The following PHF8 variants were observed in gnomAD, a reference collection of about 807,000 sequenced individuals.
PHF8 encodes the protein PHD finger protein 8.
Under a neutral mutation model 74.4 loss-of-function variants are expected in PHF8, and 9 were observed. The observed-to-expected ratio is 0.12, with a 90% CI of 0.07 to 0.21. The LOEUF (loss-of-function observed/expected upper bound fraction) is 0.21, where lower values mean the gene tolerates loss of function less well. PHF8 is among the 10% of genes least tolerant of loss of function. The pLI is 1.00. For missense variants in PHF8, 478 were observed against 816.6 expected (o/e 0.59, Z 5.05); for synonymous variants, 311 against 316.6 (o/e 0.98, Z 0.19).
chrX:54,030,830 TG>T (rs1557112394), intron 2 of PHF8, among the ~76,000 whole-genome samples: 2 of 112,312 alleles, frequency 1.8e-5, no homozygotes, highest in African/African-American at 6.5e-5. Context: ...TCACTAGCTA[TG>T]TGAACTTAAG....
intron 16 of PHF8, among the ~76,000 whole-genome samples, chrX:53,986,851 C>T (rs1313498050): frequency 5.4e-5 from 6 of 111,042 alleles, no homozygotes; most frequent in Admixed American, 1.9e-4. Flanking sequence ...GAGCTGGCCC[C>T]GGAGGTCAAG....
rs1237858770 is a variant in PHF8 at position 54,044,286 on chromosome X, G to A, written c.-617C>T. On this transcript the variant is annotated 5_prime_UTR_variant, in exon 1 of 22. Coordinates refer to ENST00000338154, the MANE Select transcript of PHF8 (RefSeq NM_015107.3). Reference sequence around the variant, plus strand: ...ACGTCCGAGGCACACGGCCCGAAAAGTCGCTGGGAGAAGCCCAGTGGCGGT... The same window carrying A: ...ACGTCCGAGGCACACGGCCCGAAAAATCGCTGGGAGAAGCCCAGTGGCGGT... 4 of 754,492 alleles carry A rather than the reference G, an allele frequency of 5.3e-6. No homozygotes were observed. Among genetic ancestry groups the A allele is most frequent in the Non-Finnish European group, 6.3e-6 (4 of 639,377 alleles). The allele number at this position is 754,492 out of a possible 1,213,427, so 62.2% of individuals were successfully genotyped here.
At chrX:53,974,742 C>A (rs1257300553) in intron 18 of PHF8, among the ~76,000 whole-genome samples, 1 of 112,236 alleles carries the variant, frequency 8.9e-6, no homozygotes, top group Non-Finnish European at 1.9e-5. Context: ...AAAGGAACGA[C>A]ATCACGTCCA....
chrX:54,016,122 T>C (rs898432846), intron 6 of PHF8, among the ~76,000 whole-genome samples: 3 of 111,691 alleles, frequency 2.7e-5, no homozygotes, highest in African/African-American at 6.5e-5. Flanking sequence ...ATGACTCAAC[T>C]GTTACAACGT....
chrX:54,008,390 AAAAAG>A (rs1392958732), intron 8 of PHF8, among the ~76,000 whole-genome samples: 64 of 105,832 alleles, frequency 6.0e-4, no homozygotes, highest in African/African-American at 2.0e-3. Flanking sequence ...AAAAAAAAAA[AAAAAG>A]ATGCACTCGC....
At chrX:53,951,473 C>T (rs1268164230) in intron 19 of PHF8, among the ~76,000 whole-genome samples, 4 of 110,291 alleles carry the variant, frequency 3.6e-5, no homozygotes, top group Non-Finnish European at 5.7e-5. Flanking sequence ...TTTTTTTAGA[C>T]GGAGTCTTGC....
intron 11 of PHF8, among the ~76,000 whole-genome samples, chrX:53,996,758 G>A (rs1402195515): frequency 9.0e-6 from 1 of 110,949 alleles, no homozygotes; most frequent in Non-Finnish European, 1.9e-5. Flanking sequence ...TGTTGGCCAG[G>A]CTGGTCTCAA....
chrX:54,035,796 C>T (rs138860990), intron 2 of PHF8, among the ~76,000 whole-genome samples: 3,328 of 110,279 alleles, frequency 0.03, 139 homozygotes, highest in African/African-American at 0.1. Context: ...CATAGAGACC[C>T]TGTCTCAAAA....
intron 1 of PHF8, chrX:54,043,053 C>A (rs1415271292): frequency 1.1e-5 from 6 of 536,003 alleles, no homozygotes; most frequent in Non-Finnish European, 1.6e-5. Context: ...CTCCCCACCC[C>A]CCACCTTCTT....
At chrX:53,992,139 GTAT>G (rs374733036) in intron 14 of PHF8, among the ~76,000 whole-genome samples, 76 of 112,261 alleles carry the variant, frequency 6.8e-4, no homozygotes, top group African/African-American at 1.9e-3. Context: ...CTATTCCTAT[GTAT>G]TATTATGTAA....
intron 19 of PHF8, among the ~76,000 whole-genome samples, chrX:53,945,699 T>G (rs2064823734): frequency 9.1e-6 from 1 of 110,388 alleles, no homozygotes; most frequent in Non-Finnish European, 1.9e-5. Context: ...CAGCTCATCC[T>G]CTCTCCCTAT....
chrX:54,015,510 A>G (rs2066049510), intron 6 of PHF8, among the ~76,000 whole-genome samples: 1 of 98,058 alleles, frequency 1.0e-5, no homozygotes, highest in Non-Finnish European at 2.0e-5. Flanking sequence ...AGGGAGGCGG[A>G]GCTTGCAGTG....
At chrX:53,962,528 C>T (rs931043162) in intron 19 of PHF8, among the ~76,000 whole-genome samples, 11 of 111,351 alleles carry the variant, frequency 9.9e-5, no homozygotes, top group African/African-American at 3.3e-4. Context: ...GGTATCAGAA[C>T]GTTCTCAGAA....
chrX:53,979,356 T>A (rs939113300), intron 18 of PHF8, among the ~76,000 whole-genome samples: 2 of 111,490 alleles, frequency 1.8e-5, no homozygotes, highest in African/African-American at 6.5e-5. Context: ...CACCCCAGCC[T>A]GGGTGACAGA....
At chrX:54,003,477 C>G (rs1557104635) in intron 8 of PHF8, among the ~76,000 whole-genome samples, 10 of 110,967 alleles carry the variant, frequency 9.0e-5, no homozygotes, top group Non-Finnish European at 1.9e-4. Flanking sequence ...ACCAACATGG[C>G]GAAACCCCGT....
rs1210028841 is a variant in PHF8 at position 54,043,974 on chromosome X, C to G, written c.-305G>C. On this transcript the variant is annotated 5_prime_UTR_variant, in exon 1 of 22. Transcript: ENST00000338154. The stretch of plus-strand genomic sequence containing the variant: ...CGGAGGCTCGTCCGGTAGTTCCGGC[C>G]CCTACGGCGACGCGCGTCGAATTCT... 4.0e-6 allele frequency: 3 copies of G among 754,146 alleles called. No homozygotes were observed. In the Admixed American group the frequency reaches 2.6e-4, roughly 65 times the overall value. The allele number at this position is 754,146 out of a possible 1,213,427, so 62.2% of individuals were successfully genotyped here.
At chrX:54,013,774 C>T (rs1005846063) in intron 7 of PHF8, among the ~76,000 whole-genome samples, 2 of 109,947 alleles carry the variant, frequency 1.8e-5, no homozygotes, top group African/African-American at 6.6e-5. Flanking sequence ...GCTGAGATCA[C>T]GCCACTGCAG....
chrX:53,956,608 T>C (rs2065016818), intron 19 of PHF8, among the ~76,000 whole-genome samples: 1 of 111,336 alleles, frequency 9.0e-6, no homozygotes, highest in South Asian at 3.7e-4. Flanking sequence ...CACTTGATAC[T>C]GAAATATTCA....
intron 18 of PHF8, among the ~76,000 whole-genome samples, chrX:53,980,941 G>A (rs1557097772): frequency 8.9e-6 from 1 of 112,878 alleles, no homozygotes; most frequent in African/African-American, 3.2e-5. Flanking sequence ...GGCTGGGCCT[G>A]GTGGCTCGCG....
Sources: allele counts gnomAD v4.1 joint callset (sites outside exome capture counted in the v4.1 genomes callset), GRCh38; gene constraint gnomAD v4.1.1; transcripts MANE v1.5; gene names NCBI Gene and HGNC (gene_info 2026-07-23, HGNC 2026-07-21).